Variants in ARL15 observed in about 807,000 individuals in gnomAD.
ARL15 encodes the protein ADP-ribosylation factor-like protein 15.
A neutral mutation model predicts 25.2 loss-of-function variants in ARL15; 19 were observed. The ratio of observed to expected loss-of-function variants is 0.75; its 90% CI spans 0.53 to 1.10. The LOEUF is 1.10. Ranked by LOEUF, ARL15 falls within the 50% of genes least tolerant of loss-of-function variation. The pLI, the probability that ARL15 is intolerant of heterozygous loss-of-function variation, is 0.00. For synonymous variants in ARL15, 94 were observed against 86.8 expected (o/e 1.08, Z -0.46); for missense variants, 220 against 246.0 (o/e 0.89, Z 0.71).
intron 1 of ARL15, among the ~76,000 whole-genome samples, chr5:54,246,894 T>C (rs988926377): frequency 6.7e-6 from 1 of 149,608 alleles, no homozygotes; most frequent in African/African-American, 2.5e-5. Context: ...TAAAATGTCA[T>C]AAGGGAGAGG....
At chr5:53,926,906 T>C (rs1746045603) in intron 4 of ARL15, among the ~76,000 whole-genome samples, 1 of 151,400 alleles carries the variant, frequency 6.6e-6, no homozygotes, top group Non-Finnish European at 1.5e-5. Flanking sequence ...CCTCACATGT[T>C]GAACTATTTG....
At chr5:54,115,453 G>A (rs1752870624) in intron 3 of ARL15, among the ~76,000 whole-genome samples, 2 of 152,112 alleles carry the variant, frequency 1.3e-5, no homozygotes, top group South Asian at 4.2e-4. Flanking sequence ...GGGGCGGTGG[G>A]GGTAAATTTC....
At chr5:54,268,909 A>G (rs1229281268) in intron 1 of ARL15, among the ~76,000 whole-genome samples, 1 of 152,228 alleles carries the variant, frequency 6.6e-6, no homozygotes, top group Non-Finnish European at 1.5e-5. Context: ...TGATGAGTTC[A>G]TGTCCTTTCT....
intron 4 of ARL15, among the ~76,000 whole-genome samples, chr5:53,934,176 A>C (rs939085644): frequency 1.3e-5 from 2 of 152,154 alleles, no homozygotes; most frequent in African/African-American, 4.8e-5. Flanking sequence ...CCCTTCATAA[A>C]ATCTTTAATT....
chr5:54,049,669 C>T (rs781141068), intron 4 of ARL15, among the ~76,000 whole-genome samples: 24 of 152,002 alleles, frequency 1.6e-4, no homozygotes, highest in Non-Finnish European at 3.1e-4. Flanking sequence ...GACACAATCT[C>T]GGCTCACTAC....
intron 1 of ARL15, among the ~76,000 whole-genome samples, chr5:54,305,424 C>T (rs1296893891): frequency 5.3e-5 from 8 of 151,982 alleles, no homozygotes; most frequent in African/African-American, 1.9e-4. Context: ...CACCCCATTG[C>T]ACTCCAGCCT....
chr5:53,963,805 T>TCACACACACACA (rs60458728), intron 4 of ARL15, among the ~76,000 whole-genome samples: 7 of 143,244 alleles, frequency 4.9e-5, no homozygotes, highest in African/African-American at 1.9e-4. Flanking sequence ...TGAAACTCCA[T>TCACACACACACA]CACACACACA....
intron 4 of ARL15, among the ~76,000 whole-genome samples, chr5:54,086,265 C>T (rs1306490252): frequency 1.3e-5 from 2 of 152,078 alleles, no homozygotes; most frequent in African/African-American, 4.8e-5. Flanking sequence ...GGGACAGGTC[C>T]AATGAATATT....
At chr5:54,222,842 G>T (rs1429125117) in intron 1 of ARL15, among the ~76,000 whole-genome samples, 1 of 151,692 alleles carries the variant, frequency 6.6e-6, no homozygotes, top group Non-Finnish European at 1.5e-5. Context: ...TATTTTTTTT[G>T]AGACGGAGTC....
In ARL15 at chr5:54,253,341, T is replaced by C. The variant is rs181792606; in HGVS notation, c.48+57091A>G. 6.7e-4 allele frequency among the ~76,000 whole-genome samples: 102 copies of C among 152,214 alleles called. 5 individuals carry two copies. The East Asian group carries it at 0.012, about 18-fold the overall frequency. ...AATAATGGATTATGAAGCTGGGTCA[T>C]ACCACTTCCACAGGGCACCAAGAGC... On this transcript the variant is annotated intron_variant, in intron 1 of 4. Transcript: ENST00000504924.
At chr5:54,047,046 TC>T (rs973703664) in intron 4 of ARL15, among the ~76,000 whole-genome samples, 1 of 152,114 alleles carries the variant, frequency 6.6e-6, no homozygotes, top group Admixed American at 6.5e-5. Context: ...ATCAGGAGGG[TC>T]AGTGAGTTGA....
At chr5:54,294,384 G>A (rs752806106) in intron 1 of ARL15, among the ~76,000 whole-genome samples, 1 of 152,174 alleles carries the variant, frequency 6.6e-6, no homozygotes, top group African/African-American at 2.4e-5. Flanking sequence ...CAGTGTTACA[G>A]GCTACCGTCT....
intron 4 of ARL15, among the ~76,000 whole-genome samples, chr5:54,064,340 CT>C (rs1329126903): frequency 1.3e-5 from 2 of 152,198 alleles, no homozygotes; most frequent in African/African-American, 4.8e-5. Context: ...TGCACTCCCC[CT>C]GTAAGTTCCC....
chr5:53,894,927 C>T (rs895003603), intron 4 of ARL15, among the ~76,000 whole-genome samples: 1 of 152,200 alleles, frequency 6.6e-6, no homozygotes, highest in African/African-American at 2.4e-5. Context: ...CCTCATCACC[C>T]AGGCACCATA....
At position 53,964,178 on chromosome 5, in the gene ARL15, AT is replaced by A. The variant is rs144504864; in HGVS notation, c.463-77466del. Among the ~76,000 whole-genome samples the A allele has an allele frequency of 2.0e-3, 311 of 152,170 alleles. 1 individual carries two copies. The highest frequency in any genetic ancestry group is 6.9e-3 in the African/African-American group (287 of 41,530). ...TCATCTTGGACAGGAGGTGGCACTC[AT>A]TTGTCATCCCTTTTACAGAATATTC... On this transcript the variant is annotated intron_variant, in intron 4 of 4. Coordinates refer to ENST00000504924, the MANE Select transcript of ARL15 (RefSeq NM_019087.3).
intron 1 of ARL15, among the ~76,000 whole-genome samples, chr5:54,272,601 A>T (rs1175743290): frequency 6.6e-6 from 1 of 152,182 alleles, no homozygotes; most frequent in Non-Finnish European, 1.5e-5. Flanking sequence ...CTTATCAAGA[A>T]AAAAAGCCTC....
At chr5:53,932,610 T>C (rs1308344481) in intron 4 of ARL15, among the ~76,000 whole-genome samples, 1 of 152,208 alleles carries the variant, frequency 6.6e-6, no homozygotes, top group Non-Finnish European at 1.5e-5. Context: ...CTCCGTGCCT[T>C]GATCAAGAGT....
In ARL15 at chr5:53,886,433, G is replaced by C; in HGVS notation, c.*128C>G. On this transcript the variant is annotated 3_prime_UTR_variant, in exon 5 of 5. Transcript: ENST00000504924. ...AATATTCACTTTAATAGAGAGATGA[G>C]AGTCTGAAATGACCAGAGGAAAATA... The C allele has an allele frequency of 1.0e-6, 1 of 962,150 alleles. No individual in the cohort carries two copies. The highest frequency in any genetic ancestry group is 1.5e-6 in the Non-Finnish European group (1 of 667,178). 59.6% of individuals were successfully genotyped at this position (962,150 alleles called of 1,614,324 possible). A position where few individuals can be genotyped will look rare whatever the true frequency, so the allele number is the denominator to read the frequency against.
chr5:54,123,582 AAT>A (rs1399402667), intron 3 of ARL15, among the ~76,000 whole-genome samples: 1 of 152,212 alleles, frequency 6.6e-6, no homozygotes, highest in African/African-American at 2.4e-5. Flanking sequence ...ATTCGAAATG[AAT>A]AGTTTCTATG....
Sources: allele counts gnomAD v4.1 joint callset (sites outside exome capture counted in the v4.1 genomes callset), GRCh38; gene constraint gnomAD v4.1.1; transcripts MANE v1.5; gene names NCBI Gene and HGNC (gene_info 2026-07-23, HGNC 2026-07-21).